Variants in DYRK1A observed in about 807,000 individuals in gnomAD.
The protein encoded by DYRK1A is dual specificity tyrosine phosphorylation regulated kinase 1A.
DYRK1A carries 9 observed loss-of-function variants against 79.7 expected under a neutral mutation model. The observed-to-expected ratio is 0.11, with a 90% CI of 0.07 to 0.20. DYRK1A has a LOEUF of 0.20. Ranked by LOEUF, DYRK1A falls within the 10% of genes least tolerant of loss-of-function variation. The pLI is 1.00. For synonymous variants in DYRK1A, 349 were observed against 329.7 expected, an observed-to-expected ratio of 1.06 and a Z score of -0.63; for missense variants, 622 against 956.0, an observed-to-expected ratio of 0.65 and a Z score of 4.61.
intron 1 of DYRK1A, among the ~76,000 whole-genome samples, chr21:37,384,820 C>A (rs1184587235): frequency 6.6e-6 from 1 of 152,020 alleles, no homozygotes; most frequent in Non-Finnish European, 1.5e-5. Context: ...AAACTTTTAG[C>A]AGCAAAAATT....
At position 37,512,694 on chromosome 21, in the gene DYRK1A, G is replaced by T; in HGVS notation, c.*163G>T. On this transcript the variant is annotated 3_prime_UTR_variant, in exon 12 of 12. Coordinates refer to ENST00000647188, the MANE Select transcript of DYRK1A (RefSeq NM_001347721.2). Reference sequence around the variant, plus strand: ...TTTTTAACTTGAAAAGATTGCAAAGGGACATTGAAGTGTTTAAAAGAGCCA... The same window carrying T: ...TTTTTAACTTGAAAAGATTGCAAAGTGACATTGAAGTGTTTAAAAGAGCCA... The T allele has an allele frequency of 1.3e-6, 1 of 776,808 alleles. No individual in the cohort carries two copies. The allele number at this position is 776,808 out of a possible 1,614,324, so 48.1% of individuals were successfully genotyped here. A position where few individuals can be genotyped will look rare whatever the true frequency, so the allele number is the denominator to read the frequency against.
intron 1 of DYRK1A, among the ~76,000 whole-genome samples, chr21:37,368,593 G>T (rs2049365645): frequency 6.6e-6 from 1 of 152,112 alleles, no homozygotes; most frequent in South Asian, 2.1e-4. Context: ...GCCTTAGAAC[G>T]TTGTTTTCAC....
intron 2 of DYRK1A, among the ~76,000 whole-genome samples, chr21:37,429,344 C>G (rs920315322): frequency 1.3e-5 from 2 of 152,140 alleles, no homozygotes; most frequent in Non-Finnish European, 2.9e-5. Context: ...TCTGTTCTTG[C>G]ACTGCTATAA....
chr21:37,472,776 C>A lies in DYRK1A; in HGVS notation c.103C>A (p.Pro35Thr), dbSNP rs968549141. 1 of 1,613,192 alleles carries A rather than the reference C, an allele frequency of 6.2e-7. No individual in the cohort carries two copies. The highest frequency in any genetic ancestry group is 1.1e-5 in the South Asian group (1 of 91,000). The stretch of plus-strand genomic sequence containing the variant: ...TGGCCTTCAGATGGCTGGACAGATG[C>A]CCCATTCACATCAGTACAGTGACCG... ...AAGLQMAGQM[P>T]HSHQYSDRRQ... The change falls in exon 3 of 12, where the codon CCC (proline) becomes ACC (threonine). Residue 35 changes from proline to threonine, a missense_variant. By Grantham distance (38) the Pro-to-Thr change is conservative. Around this residue, in one of 5 missense-constraint regions of DYRK1A, gnomAD observed 91 missense variants for 113.8 expected, o/e 0.80. Coordinates refer to ENST00000647188, the MANE Select transcript of DYRK1A (RefSeq NM_001347721.2).
rs530155752 is a variant in DYRK1A at position 37,479,513 on chromosome 21, G to A, written c.301-1125G>A. Among the ~76,000 whole-genome samples, 16 of 143,598 alleles carry A rather than the reference G, an allele frequency of 1.1e-4. No homozygotes were observed. The South Asian group carries it at 2.2e-3, about 20-fold the overall frequency. 94.2% of individuals were successfully genotyped at this position (143,598 alleles called of 152,430 possible). On this transcript the variant is annotated intron_variant, in intron 4 of 11. Transcript: ENST00000647188. ...GTAATTTATAATTTCGCCAAAGTTA[G>A]TTTACCAGTTACCTGGACTGTTTCC...
chr21:37,496,383 A>G, intron 9 of DYRK1A, 125 bp downstream of exon 9: 1 of 944,144 alleles, frequency 1.1e-6, no homozygotes, highest in Non-Finnish European at 1.6e-6. Context: ...TTGATACCTT[A>G]CATAGATATT....
chr21:37,383,821 T>G (rs989015195), intron 1 of DYRK1A, among the ~76,000 whole-genome samples: 2 of 141,658 alleles, frequency 1.4e-5, no homozygotes, highest in Non-Finnish European at 3.0e-5. Context: ...TGGGGTGATG[T>G]GATAGGTAAT....
intron 2 of DYRK1A, among the ~76,000 whole-genome samples, chr21:37,442,392 T>A (rs997737532): frequency 3.3e-5 from 5 of 152,196 alleles, no homozygotes; most frequent in Non-Finnish European, 1.5e-5. Context: ...GTTAACTTTT[T>A]AAAATCTCTT....
intron 1 of DYRK1A, among the ~76,000 whole-genome samples, chr21:37,394,871 T>A (rs566428745): frequency 1.3e-5 from 2 of 152,164 alleles, no homozygotes; most frequent in Non-Finnish European, 2.9e-5. Flanking sequence ...ACTTGTGAAA[T>A]CCTGAATATG....
At chr21:37,403,369 G>A (rs1383354658) in intron 1 of DYRK1A, among the ~76,000 whole-genome samples, 1 of 151,838 alleles carries the variant, frequency 6.6e-6, no homozygotes, top group East Asian at 1.9e-4. Flanking sequence ...TTCTAACATG[G>A]GGTTGGTGTT....
chr21:37,399,852 G>A (rs1485903382), intron 1 of DYRK1A, among the ~76,000 whole-genome samples: 3 of 152,202 alleles, frequency 2.0e-5, no homozygotes, highest in Non-Finnish European at 4.4e-5. Context: ...ACAGGTTGAA[G>A]CATTTTTCAT....
In DYRK1A at chr21:37,436,128, A is replaced by C. The variant is rs1007641926; in HGVS notation, c.10+15744A>C. Among the ~76,000 whole-genome samples, 2 of 152,316 alleles carry C rather than the reference A, an allele frequency of 1.3e-5. 1 individual carries two copies. On this transcript the variant is annotated intron_variant, in intron 2 of 11. Transcript: ENST00000647188. Reference sequence around the variant, plus strand: ...GGAAGGGTATAGGGGAAAAAATTCTAGGCCTTTTTATGATAGGGACATGGG... The same window carrying C: ...GGAAGGGTATAGGGGAAAAAATTCTCGGCCTTTTTATGATAGGGACATGGG...
intron 1 of DYRK1A, among the ~76,000 whole-genome samples, chr21:37,399,842 A>C (rs2050022408): frequency 6.6e-6 from 1 of 152,264 alleles, no homozygotes; most frequent in African/African-American, 2.4e-5. Flanking sequence ...GAATACAAAC[A>C]CAGGTTGAAG....
chr21:37,423,505 G>A (rs986048494), intron 2 of DYRK1A, among the ~76,000 whole-genome samples: 8 of 152,102 alleles, frequency 5.3e-5, no homozygotes, highest in African/African-American at 1.9e-4. Context: ...CCATGTATAT[G>A]AACATAAAGA....
chr21:37,473,518 G>C (rs2052298229), intron 3 of DYRK1A, among the ~76,000 whole-genome samples: 1 of 152,064 alleles, frequency 6.6e-6, no homozygotes. Flanking sequence ...GTTTTGGTTT[G>C]GGAGACTTAA....
rs900233851 is a variant in DYRK1A at position 37,523,982 on chromosome 21, A to G, written c.*11451A>G. The G allele has an allele frequency of 6.6e-6, 1 of 152,232 alleles. No homozygotes were observed. Among genetic ancestry groups the G allele is most frequent in the Non-Finnish European group, 1.5e-5 (1 of 68,050 alleles). 9.4% of individuals were successfully genotyped at this position (152,232 alleles called of 1,614,324 possible). On this transcript the variant is annotated 3_prime_UTR_variant, in exon 12 of 12. Coordinates refer to ENST00000647188, the MANE Select transcript of DYRK1A (RefSeq NM_001347721.2). The stretch of plus-strand genomic sequence containing the variant: ...ATAACTCAGCAGCATTTTGAATGCC[A>G]CTTGTATTCCCATGCTACAACATTT...
chr21:37,436,537 T>C (rs993695518), intron 2 of DYRK1A, among the ~76,000 whole-genome samples: 1 of 152,202 alleles, frequency 6.6e-6, no homozygotes, highest in South Asian at 2.1e-4. Flanking sequence ...TTGCCTTCTT[T>C]TGTCCCTCCC....
chr21:37,462,966 A>G (rs1234323858), intron 2 of DYRK1A, among the ~76,000 whole-genome samples: 4 of 152,220 alleles, frequency 2.6e-5, no homozygotes, highest in Non-Finnish European at 5.9e-5. Flanking sequence ...AAAGGTCATA[A>G]GTGGAAATCT....
At chr21:37,416,555 A>T (rs2050346089) in intron 1 of DYRK1A, among the ~76,000 whole-genome samples, 1 of 151,986 alleles carries the variant, frequency 6.6e-6, no homozygotes, top group East Asian at 1.9e-4. Context: ...ATTCTAGAAA[A>T]TTATTTCTAA....
Sources: allele counts gnomAD v4.1 joint callset (sites outside exome capture counted in the v4.1 genomes callset), GRCh38; gene constraint gnomAD v4.1.1; regional missense constraint gnomAD v4.1.1; transcripts MANE v1.5; gene names NCBI Gene and HGNC (gene_info 2026-07-23, HGNC 2026-07-21).